DNAJC10: variants seen among roughly 807,000 people sequenced by gnomAD.
The protein encoded by DNAJC10 is endoplasmic reticulum disulfide reductase DNAJC10.
Under a neutral mutation model 115.0 loss-of-function variants are expected in DNAJC10, and 101 were observed. The ratio of observed to expected loss-of-function variants is 0.88; its 90% CI spans 0.75 to 1.04. The LOEUF (loss-of-function observed/expected upper bound fraction) is 1.04. DNAJC10 is among the 50% of genes least tolerant of loss of function. DNAJC10 has a pLI of 0.00. For missense variants in DNAJC10, 981 were observed against 928.8 expected, an observed-to-expected ratio of 1.06 and a Z score of -0.73; for synonymous variants, 307 against 301.5, an observed-to-expected ratio of 1.02 and a Z score of -0.19.
At chr2:182,763,199 T>C (rs1233270968) in intron 22 of DNAJC10, among the ~76,000 whole-genome samples, 6 of 152,164 alleles carry the variant, frequency 3.9e-5, no homozygotes, top group Non-Finnish European at 2.9e-5. Context: ...TTCCTTAGTA[T>C]ATTTCTATTC....
intron 21 of DNAJC10, among the ~76,000 whole-genome samples, 194 bp downstream of exon 21, chr2:182,759,501 C>A (rs577162005): frequency 6.6e-6 from 1 of 152,060 alleles, no homozygotes; most frequent in South Asian, 2.1e-4. Flanking sequence ...TAGCTAACAT[C>A]TTCTCTATCT....
In DNAJC10 at chr2:182,760,343, T is replaced by C. The variant is rs189992655; in HGVS notation, c.2145+1036T>C. On this transcript the variant is annotated intron_variant, in intron 21 of 23. Transcript: ENST00000264065. ...CAGTGCATATTAATTCTTTATTTAT[T>C]ATTACTTGAAAGATATTTAATTTGA... 1.9e-3 allele frequency among the ~76,000 whole-genome samples: 294 copies of C among 152,330 alleles called. 2 individuals carry two copies. The highest frequency in any genetic ancestry group is 3.2e-3 in the Non-Finnish European group (221 of 68,034).
intron 22 of DNAJC10, among the ~76,000 whole-genome samples, chr2:182,771,857 G>A (rs922662163): frequency 6.6e-5 from 10 of 152,014 alleles, no homozygotes; most frequent in Admixed American, 5.9e-4. Flanking sequence ...CTTGTCTTCT[G>A]CTAGCTTTTG....
chr2:182,729,256 C>A, intron 7 of DNAJC10: 1 of 327,340 alleles, frequency 3.1e-6, no homozygotes, highest in East Asian at 7.2e-5. Context: ...TCAAGCAGTT[C>A]TCCTGCCTCA....
At chr2:182,731,880 A>G (rs1386523730) in intron 9 of DNAJC10, among the ~76,000 whole-genome samples, 1 of 152,138 alleles carries the variant, frequency 6.6e-6, no homozygotes, top group African/African-American at 2.4e-5. Flanking sequence ...ATTTTGTCTC[A>G]TTTTGGCCTA....
Position 182,777,700 on chromosome 2 carries a change from A to G in DNAJC10, c.*568A>G, listed in dbSNP as rs191694878. The G allele has an allele frequency of 6.6e-6, 1 of 152,326 alleles. No homozygotes were observed. Among genetic ancestry groups the G allele is most frequent in the East Asian group, 1.9e-4 (1 of 5,190 alleles). The allele number at this position is 152,326 out of a possible 1,614,324, so 9.4% of individuals were successfully genotyped here. On this transcript the variant is annotated 3_prime_UTR_variant, in exon 24 of 24. Transcript: ENST00000264065. The stretch of plus-strand genomic sequence containing the variant: ...AACCATATATTTATATTTCGTTTTA[A>G]AAACACCCATGATGTGGCACAGTAA...
At chr2:182,758,578 TCC>T (rs1475600799) in intron 19 of DNAJC10, among the ~76,000 whole-genome samples, 7 of 152,100 alleles carry the variant, frequency 4.6e-5, no homozygotes, top group African/African-American at 1.7e-4. Flanking sequence ...GTTTCGCAAT[TCC>T]CATAGGTCTA....
intron 21 of DNAJC10, among the ~76,000 whole-genome samples, chr2:182,762,041 C>T (rs573952708): frequency 6.6e-6 from 1 of 151,962 alleles, no homozygotes; most frequent in South Asian, 2.1e-4. Flanking sequence ...TTTGGTCAAG[C>T]GGTCACTGGT....
rs570620412 is a variant in DNAJC10 at position 182,741,661 on chromosome 2, T to A, written c.1191+305T>A. Among the ~76,000 whole-genome samples, 16 of 152,316 alleles carry A rather than the reference T, an allele frequency of 1.1e-4. No individual in the cohort carries two copies. The South Asian group carries it at 3.3e-3, about 32-fold the overall frequency. On this transcript the variant is annotated intron_variant, in intron 13 of 23. Coordinates refer to ENST00000264065, the MANE Select transcript of DNAJC10 (RefSeq NM_018981.4). ...AATTCTTATTTCTTTATATAAGTAA[T>A]TCTTGGTCGTTGTTTAAAAATCAGG...
intron 22 of DNAJC10, among the ~76,000 whole-genome samples, chr2:182,773,421 T>C (rs954440669): frequency 2.6e-5 from 4 of 152,140 alleles, no homozygotes; most frequent in African/African-American, 9.7e-5. Flanking sequence ...TCCTGAAGAG[T>C]GTTTTCCAAC....
At chr2:182,722,110 T>C (rs1293741035) in intron 5 of DNAJC10, 35 bp downstream of exon 5, 2 of 1,436,956 alleles carry the variant, frequency 1.4e-6, no homozygotes, top group South Asian at 2.6e-5. Context: ...ATAAAACTAA[T>C]ACAAGTTCGA....
At chr2:182,766,364 G>A (rs1694412163) in intron 22 of DNAJC10, among the ~76,000 whole-genome samples, 1 of 152,142 alleles carries the variant, frequency 6.6e-6, no homozygotes, top group South Asian at 2.1e-4. Flanking sequence ...GGTGATGATG[G>A]GACCGAGGAG....
chr2:182,735,930 T>C (rs999931774), intron 10 of DNAJC10, among the ~76,000 whole-genome samples: 1 of 152,142 alleles, frequency 6.6e-6, no homozygotes. Context: ...TGAAAGACTA[T>C]TGGACAGCTC....
At chr2:182,739,571 CAGAG>C (rs375441171) in intron 11 of DNAJC10, 7 of 1,220,558 alleles carry the variant, frequency 5.7e-6, no homozygotes, top group East Asian at 1.3e-4. Flanking sequence ...ATCAGACCAG[CAGAG>C]AGAGAGAGTT....
intron 10 of DNAJC10, among the ~76,000 whole-genome samples, chr2:182,733,826 TA>T (rs879859770): frequency 1.1e-3 from 160 of 150,768 alleles, no homozygotes; most frequent in South Asian, 2.3e-3. Flanking sequence ...GATAGATAGA[TA>T]GATTTTCTAC....
Position 182,751,792 on chromosome 2 carries a change from T to C in DNAJC10, c.1434+7T>C, listed in dbSNP as rs1694027977. On this transcript the variant is annotated splice_region_variant and intron_variant, in intron 15 of 23. Transcript: ENST00000264065. ...TGTTGATTTCTTTGCCCCCGTAAGT[T>C]ATTTTTATCTGTCAGATTCTAACAT... 1.4e-5 allele frequency: 22 copies of C among 1,610,264 alleles called. No individual in the cohort carries two copies. The highest frequency in any genetic ancestry group is 1.9e-5 in the Non-Finnish European group (22 of 1,179,262).
intron 4 of DNAJC10, among the ~76,000 whole-genome samples, chr2:182,721,785 G>C (rs113726792): frequency 6.6e-6 from 1 of 151,854 alleles, no homozygotes; most frequent in African/African-American, 2.4e-5. Context: ...TGAATATTAC[G>C]AACTACCGCA....
intron 22 of DNAJC10, among the ~76,000 whole-genome samples, chr2:182,771,599 T>C (rs1313955354): frequency 6.6e-6 from 1 of 152,228 alleles, no homozygotes; most frequent in Admixed American, 6.5e-5. Flanking sequence ...TTCTAGCTTT[T>C]CTAGTTTATT....
intron 21 of DNAJC10, 40 bp from the exon 22 acceptor site, chr2:182,762,642 T>C: frequency 6.2e-7 from 1 of 1,606,114 alleles, no homozygotes. Context: ...AAATAGTTTA[T>C]GCCAAACAGA....
Sources: gnomAD v4.1 joint callset for allele counts (sites outside exome capture counted in the v4.1 genomes callset) on GRCh38, gnomAD v4.1.1 for gene constraint, MANE v1.5 for transcripts, NCBI Gene and HGNC (gene_info 2026-07-23, HGNC 2026-07-21) for gene names.